USP49: variants seen among roughly 807,000 people sequenced by gnomAD.
The protein encoded by USP49 is ubiquitin carboxyl-terminal hydrolase 49.
A neutral mutation model predicts 58.6 loss-of-function variants in USP49; 24 were observed. That is an observed-to-expected ratio of 0.41 (90% CI 0.30 to 0.58). The LOEUF (loss-of-function observed/expected upper bound fraction) is 0.58. Ranked by LOEUF, USP49 falls within the 20% of genes least tolerant of loss-of-function variation. The probability of loss-of-function intolerance (pLI) is 0.30; values close to 1 mark genes in which losing one functional copy is unlikely to be tolerated. For synonymous variants in USP49, 408 were observed against 365.1 expected, an observed-to-expected ratio of 1.12 and a Z score of -1.34; for missense variants, 703 against 866.1, an observed-to-expected ratio of 0.81 and a Z score of 2.36.
chr6:41,835,969 T>G (rs1395978778), intron 3 of USP49, among the ~76,000 whole-genome samples: 1 of 152,036 alleles, frequency 6.6e-6, no homozygotes, highest in African/African-American at 2.4e-5. Flanking sequence ...TCCTAGCTAC[T>G]CAGGAGGCTG....
chr6:41,851,945 C>T (rs528351041), intron 3 of USP49, among the ~76,000 whole-genome samples: 3 of 95,238 alleles, frequency 3.1e-5, no homozygotes, highest in South Asian at 7.7e-4. Flanking sequence ...CAGAGCGAGA[C>T]TCGTCTCAAA....
Position 41,847,700 on chromosome 6 carries a change from G to A in USP49, c.-29+23864C>T, listed in dbSNP as rs192196682. On this transcript the variant is annotated intron_variant, in intron 3 of 7. Coordinates refer to ENST00000682992, the MANE Select transcript of USP49 (RefSeq NM_001286554.2). ...CTACACTCCAGCCTGGCAACAGAGC[G>A]AGACTCTGTCTCAAAAAAAAAAAAG... Among the ~76,000 whole-genome samples, 392 of 151,556 alleles carry A rather than the reference G, an allele frequency of 2.6e-3. 3 individuals are homozygous for A. The highest frequency in any genetic ancestry group is 8.9e-3 in the African/African-American group (365 of 41,182).
intron 3 of USP49, among the ~76,000 whole-genome samples, chr6:41,819,657 A>T (rs1220454393): frequency 6.6e-6 from 1 of 152,176 alleles, no homozygotes; most frequent in Non-Finnish European, 1.5e-5. Context: ...GTGGCTTCTT[A>T]AAAGTATTAG....
intron 3 of USP49, among the ~76,000 whole-genome samples, chr6:41,812,004 G>T (rs1773264568): frequency 6.6e-6 from 1 of 151,860 alleles, no homozygotes; most frequent in South Asian, 2.1e-4. Flanking sequence ...CAGGCTACTT[G>T]TTATATATAC....
At chr6:41,875,662 A>C (rs1013018127) in intron 2 of USP49, among the ~76,000 whole-genome samples, 6 of 152,154 alleles carry the variant, frequency 3.9e-5, no homozygotes, top group African/African-American at 1.4e-4. Flanking sequence ...TACTATCAGC[A>C]AGGCCTTGAT....
intron 2 of USP49, among the ~76,000 whole-genome samples, chr6:41,873,269 T>C (rs1377846874): frequency 2.6e-5 from 4 of 152,224 alleles, no homozygotes; most frequent in African/African-American, 9.6e-5. Flanking sequence ...ACTCCACCTC[T>C]ATTTTGCCCC....
At chr6:41,850,273 T>C (rs1029024998) in intron 3 of USP49, among the ~76,000 whole-genome samples, 1 of 151,686 alleles carries the variant, frequency 6.6e-6, no homozygotes, top group African/African-American at 2.4e-5. Context: ...TGAAACCCCA[T>C]CTCTACTAAA....
Position 41,806,954 on chromosome 6 carries a change from T to C in USP49, c.30A>G (p.Leu10=), listed in dbSNP as rs1490863507. 1 of 1,606,062 alleles carries C rather than the reference T, an allele frequency of 6.2e-7. No individual in the cohort carries two copies. Among genetic ancestry groups the C allele is most frequent in the Admixed American group, 1.7e-5 (1 of 59,422 alleles). MDRCKHVGR[L]RLAQDHSILN... ...GGATGGAGTGGTCCTGGGCGAGCCG[T>C]AACCGCCCTACATGTTTGCATCTAT... Residue 10 remains leucine (L), a synonymous_variant, in exon 4 of 8, where the codon TTA becomes TTG. Coordinates refer to ENST00000682992, the MANE Select transcript of USP49 (RefSeq NM_001286554.2). The surrounding 1 kb of genome is among the most constrained non-coding windows in gnomAD (Gnocchi z 5.9).
At chr6:41,860,843 G>A (rs151145671) in intron 3 of USP49, among the ~76,000 whole-genome samples, 135 of 152,118 alleles carry the variant, frequency 8.9e-4, no homozygotes, top group African/African-American at 3.2e-3. Flanking sequence ...GAACTCATAG[G>A]CCAGGCACGG....
chr6:41,887,770 T>C (rs1774739203), intron 2 of USP49, among the ~76,000 whole-genome samples: 1 of 152,190 alleles, frequency 6.6e-6, no homozygotes, highest in Non-Finnish European at 1.5e-5. Flanking sequence ...TACTAGAGTG[T>C]AAATCACTAA....
intron 3 of USP49, among the ~76,000 whole-genome samples, chr6:41,870,492 A>G (rs1245010911): frequency 6.6e-6 from 1 of 152,186 alleles, no homozygotes; most frequent in Non-Finnish European, 1.5e-5. Context: ...AATTAAAAAA[A>G]CTTTTATATC....
At chr6:41,838,219 C>T (rs1180513302) in intron 3 of USP49, among the ~76,000 whole-genome samples, 6 of 152,208 alleles carry the variant, frequency 3.9e-5, no homozygotes, top group Non-Finnish European at 8.8e-5. Flanking sequence ...CCATCAATGG[C>T]AGACTGGGTA....
chr6:41,859,245 G>A lies in USP49; in HGVS notation c.-29+12319C>T, dbSNP rs980340712. Among the ~76,000 whole-genome samples, 3 of 152,108 alleles carry A rather than the reference G, an allele frequency of 2.0e-5. No individual in the cohort carries two copies. In the East Asian group the frequency reaches 5.8e-4, roughly 29 times the overall value. The stretch of plus-strand genomic sequence containing the variant: ...TTCTCTACCCCATGACTATGCTCCA[G>A]CTGTTCTAAAGCATTTTAAGTTCCC... On this transcript the variant is annotated intron_variant, in intron 3 of 7. Coordinates refer to ENST00000682992, the MANE Select transcript of USP49 (RefSeq NM_001286554.2).
intron 2 of USP49, among the ~76,000 whole-genome samples, chr6:41,889,179 C>T (rs1029462683): frequency 2.0e-5 from 3 of 151,916 alleles, no homozygotes; most frequent in Non-Finnish European, 4.4e-5. Flanking sequence ...ATTACCGGCA[C>T]GTGCCACCAC....
At chr6:41,797,806 T>C (rs1041021043) in intron 7 of USP49, 4 of 985,818 alleles carry the variant, frequency 4.1e-6, no homozygotes, top group Non-Finnish European at 4.8e-6. Context: ...ACCAATACTT[T>C]TGATAATACT....
chr6:41,802,428 T>TTTTATTTATTTATTTA (rs1554142793), intron 5 of USP49, among the ~76,000 whole-genome samples: 1 of 106,432 alleles, frequency 9.4e-6, no homozygotes, highest in African/African-American at 3.5e-5. Flanking sequence ...TTTTATTTTA[T>TTTTATTTATTTATTTA]TTTATTTATT....
chr6:41,893,489 T>C (rs921794914), intron 1 of USP49, among the ~76,000 whole-genome samples: 5 of 152,158 alleles, frequency 3.3e-5, no homozygotes, highest in Admixed American at 6.5e-5. Flanking sequence ...GCGTTCTCCA[T>C]TGAAAATGAA....
chr6:41,879,513 G>A (rs1049770330), intron 2 of USP49, among the ~76,000 whole-genome samples: 1 of 152,096 alleles, frequency 6.6e-6, no homozygotes, highest in African/African-American at 2.4e-5. Context: ...TCTGAAAGTG[G>A]GGATAGCAGA....
intron 2 of USP49, among the ~76,000 whole-genome samples, chr6:41,877,348 GTTAT>G (rs545439560): frequency 1.4e-3 from 218 of 152,246 alleles, no homozygotes; most frequent in African/African-American, 5.1e-3. Context: ...CTTCTTAGAA[GTTAT>G]TTATTAAAAT....
Sources: gnomAD v4.1 joint callset for allele counts (sites outside exome capture counted in the v4.1 genomes callset) on GRCh38, gnomAD v4.1.1 for gene constraint, Gnocchi (gnomAD v3.1) non-coding constraint, MANE v1.5 for transcripts, NCBI Gene and HGNC (gene_info 2026-07-23, HGNC 2026-07-21) for gene names.